SPATA13: variants seen among roughly 807,000 people sequenced by gnomAD.
The protein encoded by SPATA13 is spermatogenesis-associated protein 13.
Under a neutral mutation model 104.0 loss-of-function variants are expected in SPATA13, and 50 were observed. The observed-to-expected ratio is 0.48, with a 90% CI of 0.38 to 0.61. The LOEUF (loss-of-function observed/expected upper bound fraction) is 0.61, where lower values mean the gene tolerates loss of function less well. Among genes scored for constraint, SPATA13 ranks in the 20% least tolerant of loss-of-function variants. SPATA13 has a pLI of 0.00. For missense variants in SPATA13, 1,524 were observed against 1,690.6 expected, an observed-to-expected ratio of 0.90 and a Z score of 1.73; for synonymous variants, 606 against 667.5, an observed-to-expected ratio of 0.91 and a Z score of 1.42.
intron 3 of SPATA13, among the ~76,000 whole-genome samples, chr13:24,058,358 T>C (rs1878646593): frequency 6.6e-6 from 1 of 151,888 alleles, no homozygotes. Flanking sequence ...TATCAACTCA[T>C]TTAATGCTCA....
Position 24,154,261 on chromosome 13 carries a change from A to G in SPATA13, c.-111-68558A>G, listed in dbSNP as rs1339600926. 2.6e-5 allele frequency among the ~76,000 whole-genome samples: 4 copies of G among 152,376 alleles called. No individual in the cohort carries two copies. In the South Asian group the frequency reaches 6.2e-4, roughly 24 times the overall value. ...AAAAGCATGTTCATGTCCTGGCCAC[A>G]TAGTAACCAAAAGTAAAACAATCTA... is the stretch of plus-strand genomic sequence containing the variant. On this transcript the variant is annotated intron_variant, in intron 3 of 14. Coordinates refer to the SPATA13 transcript ENST00000424834.
Position 24,161,588 on chromosome 13 carries a change from G to A in SPATA13, c.-112+656G>A, listed in dbSNP as rs936390025. Among the ~76,000 whole-genome samples the A allele has an allele frequency of 1.3e-5, 2 of 152,086 alleles. No homozygotes were observed. Among genetic ancestry groups the A allele is most frequent in the African/African-American group, 2.4e-5 (1 of 41,404 alleles). On this transcript the variant is annotated intron_variant, in intron 1 of 12. Coordinates refer to ENST00000382108, the MANE Select transcript of SPATA13 (RefSeq NM_001166271.3). The surrounding 1 kb of genome is among the most constrained non-coding windows in gnomAD (Gnocchi z 4.5). ...TCCAGCCCCAGGCAGGTAGAAGCCCGCGCTGCTGCCAGCGTCAGGGGGAGC... is the reference window on the plus strand; with the variant it reads ...TCCAGCCCCAGGCAGGTAGAAGCCCACGCTGCTGCCAGCGTCAGGGGGAGC...
At chr13:23,988,890 C>T (rs1302561921) in intron 2 of SPATA13, among the ~76,000 whole-genome samples, 1 of 151,986 alleles carries the variant, frequency 6.6e-6, no homozygotes, top group Non-Finnish European at 1.5e-5. Flanking sequence ...GTTTGGCATC[C>T]CTAGTGTGCA....
intron 3 of SPATA13, among the ~76,000 whole-genome samples, chr13:24,077,478 G>A (rs778259332): frequency 2.6e-5 from 4 of 152,062 alleles, no homozygotes; most frequent in Non-Finnish European, 5.9e-5. Flanking sequence ...CCAAAATGGG[G>A]GAAGAAGGGA....
At chr13:24,122,413 T>C (rs1881061760) in intron 3 of SPATA13, 4 of 1,590,684 alleles carry the variant, frequency 2.5e-6, no homozygotes, top group Non-Finnish European at 2.6e-6. Flanking sequence ...AGCAGTCTCT[T>C]CCGCATCATC....
chr13:24,292,544 GA>G (rs1200594905), intron 9 of SPATA13, among the ~76,000 whole-genome samples: 1 of 152,146 alleles, frequency 6.6e-6, no homozygotes, highest in Non-Finnish European at 1.5e-5. Context: ...GTCCTAATGA[GA>G]AGAGGAAGAG....
At chr13:24,293,123 A>T (rs572917182) in intron 9 of SPATA13, among the ~76,000 whole-genome samples, 3 of 151,652 alleles carry the variant, frequency 2.0e-5, no homozygotes, top group African/African-American at 7.3e-5. Flanking sequence ...TTAGCTAAAG[A>T]GTTAGGACTA....
chr13:24,089,896 C>T (rs535533589), intron 3 of SPATA13, among the ~76,000 whole-genome samples: 2 of 152,172 alleles, frequency 1.3e-5, no homozygotes, highest in Admixed American at 6.5e-5. Context: ...GATGTCCTGC[C>T]GCTCTGTCCT....
chr13:24,032,288 C>A (rs1877511512), intron 3 of SPATA13, among the ~76,000 whole-genome samples: 1 of 152,198 alleles, frequency 6.6e-6, no homozygotes, highest in Admixed American at 6.5e-5. Flanking sequence ...CAACACTGAG[C>A]CTGCTCTCTC....
At chr13:23,991,540 C>T (rs891716024) in intron 2 of SPATA13, among the ~76,000 whole-genome samples, 3 of 152,154 alleles carry the variant, frequency 2.0e-5, no homozygotes, top group Non-Finnish European at 4.4e-5. Flanking sequence ...GGGCTTCATG[C>T]TGCAAAGTTA....
chr13:24,112,080 T>C (rs751258136), intron 3 of SPATA13, among the ~76,000 whole-genome samples: 3 of 152,186 alleles, frequency 2.0e-5, no homozygotes, highest in Non-Finnish European at 4.4e-5. Flanking sequence ...AGTTGATGCA[T>C]CTTCTCTAGT....
intron 1 of SPATA13, among the ~76,000 whole-genome samples, chr13:24,193,694 T>G (rs1341254356): frequency 6.6e-6 from 1 of 152,202 alleles, no homozygotes; most frequent in Non-Finnish European, 1.5e-5. Flanking sequence ...TCCCTTCGAT[T>G]TGGCACTTAG....
intron 3 of SPATA13, among the ~76,000 whole-genome samples, chr13:24,020,334 C>A (rs1409393781): frequency 6.6e-6 from 1 of 151,980 alleles, no homozygotes; most frequent in Non-Finnish European, 1.5e-5. Flanking sequence ...ATGAAAAAGG[C>A]AAAAATATAG....
chr13:24,001,552 C>G (rs923839790), intron 2 of SPATA13, among the ~76,000 whole-genome samples: 4 of 151,822 alleles, frequency 2.6e-5, no homozygotes, highest in Non-Finnish European at 4.4e-5. Context: ...GCTGCCGTGT[C>G]TGTTAGGGTC....
At chr13:24,272,167 G>A (rs966858492) in intron 4 of SPATA13, among the ~76,000 whole-genome samples, 1 of 152,212 alleles carries the variant, frequency 6.6e-6, no homozygotes, top group Non-Finnish European at 1.5e-5. Flanking sequence ...CAGCCAGCAC[G>A]AACGGGCAGG....
chr13:24,288,398 A>G (rs1876107693), intron 7 of SPATA13, among the ~76,000 whole-genome samples: 1 of 152,174 alleles, frequency 6.6e-6, no homozygotes, highest in African/African-American at 2.4e-5. Flanking sequence ...ACTCTTTTTG[A>G]GTTAGCTGTT....
At chr13:24,015,993 C>T (rs1032696326) in intron 2 of SPATA13, among the ~76,000 whole-genome samples, 3 of 152,202 alleles carry the variant, frequency 2.0e-5, no homozygotes, top group Non-Finnish European at 4.4e-5. Context: ...TCCACAGTGA[C>T]TTGGAGGGTA....
At position 24,223,792 on chromosome 13, in the gene SPATA13, G is replaced by T; in HGVS notation, c.863G>T (p.Arg288Met). Reference sequence around the variant, plus strand: ...GCCCATGACGCACGGGTACCACAGAGGACCCTGAGCAGTTCCTCCACTGAC... The same window carrying T: ...GCCCATGACGCACGGGTACCACAGATGACCCTGAGCAGTTCCTCCACTGAC... ...RTAHDARVPQ[R>M]TLSSSSTDSQ... is the part of the protein sequence containing the mutation. The change falls in exon 2 of 13, where the codon AGG becomes ATG. Residue 288 changes from arginine to methionine, a missense_variant. Arg to Met is a moderately conservative substitution (Grantham distance 91). This residue lies in a region of SPATA13 where 1,089 missense variants were observed against 1,135.9 expected (regional missense o/e 0.96). Coordinates refer to ENST00000382108, the MANE Select transcript of SPATA13 (RefSeq NM_001166271.3). The T allele has an allele frequency of 6.4e-7, 1 of 1,551,812 alleles. No homozygotes were observed. The highest frequency in any genetic ancestry group is 1.2e-5 in the South Asian group (1 of 84,060).
At chr13:24,233,303 C>T (rs190926692) in intron 2 of SPATA13, among the ~76,000 whole-genome samples, 52 of 152,288 alleles carry the variant, frequency 3.4e-4, no homozygotes, top group African/African-American at 1.2e-3. Context: ...GGGACATTTG[C>T]CCTGATATGA....
Sources: allele counts gnomAD v4.1 joint callset (sites outside exome capture counted in the v4.1 genomes callset), GRCh38; gene constraint gnomAD v4.1.1; regional missense constraint gnomAD v4.1.1; non-coding constraint Gnocchi (gnomAD v3.1); transcripts MANE v1.5; gene names NCBI Gene and HGNC (gene_info 2026-07-23, HGNC 2026-07-21).